TPCN2: variants seen among roughly 807,000 people sequenced by gnomAD.
The protein encoded by TPCN2 is two pore segment channel 2.
A neutral mutation model predicts 111.4 loss-of-function variants in TPCN2; 92 were observed. That is an observed-to-expected ratio of 0.83 (90% confidence interval 0.70 to 0.98). The LOEUF is 0.98. Ranked by LOEUF, TPCN2 falls within the 50% of genes least tolerant of loss-of-function variation. The pLI, the probability that TPCN2 is intolerant of heterozygous loss-of-function variation, is 0.00. For synonymous variants in TPCN2, 405 were observed against 414.5 expected (o/e 0.98, Z 0.28); for missense variants, 995 against 980.1 (o/e 1.02, Z -0.20).
At chr11:69,060,756 G>A (rs900614010) in intron 5 of TPCN2, among the ~76,000 whole-genome samples, 1 of 152,178 alleles carries the variant, frequency 6.6e-6, no homozygotes, top group Non-Finnish European at 1.5e-5. Context: ...GGCAGGGGAG[G>A]GGACCCAGCA....
chr11:69,070,142 A>G (rs962736920), intron 8 of TPCN2, among the ~76,000 whole-genome samples: 3 of 151,592 alleles, frequency 2.0e-5, no homozygotes, highest in African/African-American at 7.3e-5. Context: ...CTCCTGCCTC[A>G]GCCTCCCGAG....
intron 13 of TPCN2, among the ~76,000 whole-genome samples, chr11:69,074,467 C>A (rs528940581): frequency 1.1e-4 from 17 of 152,302 alleles, no homozygotes; most frequent in African/African-American, 4.1e-4. Context: ...ATAAATTTTA[C>A]CAGGTGCAGA....
intron 16 of TPCN2, 160 bp downstream of exon 16, chr11:69,079,180 T>A: frequency 1.1e-6 from 1 of 932,166 alleles, no homozygotes; most frequent in Non-Finnish European, 1.6e-6. Context: ...GCTGGCCGAG[T>A]TGCTCAGTGG....
chr11:69,069,960 G>C (rs1462386789), intron 8 of TPCN2, among the ~76,000 whole-genome samples: 2 of 152,132 alleles, frequency 1.3e-5, no homozygotes, highest in African/African-American at 4.8e-5. Flanking sequence ...TGGACAGGAA[G>C]GCCTTTCAGC....
At chr11:69,082,446 C>T (rs532012319) in intron 18 of TPCN2, among the ~76,000 whole-genome samples, 40 of 152,412 alleles carry the variant, frequency 2.6e-4, no homozygotes, top group African/African-American at 8.2e-4. Flanking sequence ...CCCGCATCAC[C>T]GTATGCACAG....
chr11:69,067,689 C>A, intron 8 of TPCN2, 84 bp downstream of exon 8: 2 of 1,255,384 alleles, frequency 1.6e-6, no homozygotes, highest in Non-Finnish European at 1.1e-6. Context: ...CCTTAGAACC[C>A]AGTGGGAGTT....
chr11:69,074,724 T>C (rs1385539728), intron 13 of TPCN2, among the ~76,000 whole-genome samples: 1 of 152,200 alleles, frequency 6.6e-6, no homozygotes, highest in Non-Finnish European at 1.5e-5. Context: ...GTATGTTAGC[T>C]GTGTAACTGA....
At chr11:69,059,816 A>G (rs78452570) in intron 5 of TPCN2, among the ~76,000 whole-genome samples, 1,688 of 152,278 alleles carry the variant, frequency 0.011, 19 homozygotes, top group Non-Finnish European at 0.017. Context: ...GTTGTGGGCA[A>G]GGGCCCCTCT....
At chr11:69,076,164 G>A (rs953068398) in intron 13 of TPCN2, among the ~76,000 whole-genome samples, 7 of 152,182 alleles carry the variant, frequency 4.6e-5, no homozygotes, top group African/African-American at 1.7e-4. Context: ...GGGACCCTCC[G>A]AAGCTGGGGT....
chr11:69,054,921 G>A (rs964387565), intron 3 of TPCN2, 124 bp downstream of exon 3: 17 of 998,502 alleles, frequency 1.7e-5, no homozygotes, highest in South Asian at 3.0e-5. Flanking sequence ...TAGATAGGGC[G>A]GTTACCATCA....
chr11:69,054,587 A>G (rs562455790), intron 2 of TPCN2, 134 bp from the exon 3 acceptor site: 11 of 813,854 alleles, frequency 1.4e-5, no homozygotes, highest in South Asian at 1.1e-4. Context: ...AGGGCTGGCC[A>G]TGTCCACACG....
chr11:69,085,462 C>T (rs1463022434), intron 20 of TPCN2, among the ~76,000 whole-genome samples, 176 bp downstream of exon 20: 1 of 152,054 alleles, frequency 6.6e-6, no homozygotes, highest in East Asian at 1.9e-4. Flanking sequence ...CTCCGCTCCG[C>T]ACCTCTCCTA....
chr11:69,071,914 T>A lies in TPCN2; in HGVS notation c.961-9T>A, dbSNP rs376132639. 23 of 1,613,430 alleles carry A rather than the reference T, an allele frequency of 1.4e-5. No homozygotes were observed. In the South Asian group the frequency reaches 2.0e-4, roughly 14 times the overall value. On this transcript the variant is annotated splice_polypyrimidine_tract_variant and intron_variant, in intron 10 of 24. Coordinates refer to ENST00000294309, the MANE Select transcript of TPCN2 (RefSeq NM_139075.4). ...CTGATCCTGCCGTTCATAGCCTTCCTCTTTGCAGAAATCTCTCCAGACCTC... is the reference window on the plus strand; with the variant it reads ...CTGATCCTGCCGTTCATAGCCTTCCACTTTGCAGAAATCTCTCCAGACCTC...
chr11:69,054,233 T>A, intron 2 of TPCN2, 136 bp downstream of exon 2: 1 of 697,142 alleles, frequency 1.4e-6, no homozygotes, highest in South Asian at 1.7e-5. Context: ...GGGTGGAGCC[T>A]CTGGGCACGG....
intron 6 of TPCN2, among the ~76,000 whole-genome samples, chr11:69,063,483 C>T (rs545884186): frequency 1.3e-5 from 2 of 152,190 alleles, no homozygotes; most frequent in South Asian, 2.1e-4. Flanking sequence ...CATCCAGCCT[C>T]GGCTCACCCC....
intron 7 of TPCN2, among the ~76,000 whole-genome samples, chr11:69,064,563 A>G (rs945039403): frequency 6.6e-6 from 1 of 151,084 alleles, no homozygotes; most frequent in African/African-American, 2.4e-5. Flanking sequence ...CTGTCCCCCA[A>G]CCCCGCTCCA....
At chr11:69,065,565 G>T in intron 7 of TPCN2, among the ~76,000 whole-genome samples, 1 of 152,152 alleles carries the variant, frequency 6.6e-6, no homozygotes, top group African/African-American at 2.4e-5. Flanking sequence ...ATGGTACCCG[G>T]CCCATCCTGC....
intron 8 of TPCN2, among the ~76,000 whole-genome samples, chr11:69,070,197 G>C (rs1229771543): frequency 2.6e-5 from 4 of 152,010 alleles, no homozygotes; most frequent in African/African-American, 9.6e-5. Context: ...GCTAATTTTT[G>C]TATTTTTAGT....
At chr11:69,059,365 C>T (rs1854918392) in intron 5 of TPCN2, among the ~76,000 whole-genome samples, 1 of 152,174 alleles carries the variant, frequency 6.6e-6, no homozygotes, top group African/African-American at 2.4e-5. Flanking sequence ...GCATCCCCAC[C>T]TTGGGAGTGG....
Sources: allele counts gnomAD v4.1 joint callset (sites outside exome capture counted in the v4.1 genomes callset), GRCh38; gene constraint gnomAD v4.1.1; transcripts MANE v1.5; gene names NCBI Gene and HGNC (gene_info 2026-07-23, HGNC 2026-07-21).